Variants in DNAH6 observed in about 807,000 individuals in gnomAD.
The protein encoded by DNAH6 is dynein axonemal heavy chain 6.
DNAH6 carries 340 observed loss-of-function variants against 491.4 expected under a neutral mutation model. The ratio of observed to expected loss-of-function variants is 0.69; its 90% CI spans 0.63 to 0.76. The LOEUF is 0.76. DNAH6 is among the 30% of genes least tolerant of loss of function. DNAH6 has a pLI of 0.00. For synonymous variants in DNAH6, 1,603 were observed against 1,686.1 expected, an observed-to-expected ratio of 0.95 and a Z score of 1.21; for missense variants, 4,443 against 4,972.2, an observed-to-expected ratio of 0.89 and a Z score of 3.20.
At chr2:84,529,810 TAGCTTCACCACA>T (rs1676981061) in intron 4 of DNAH6, among the ~76,000 whole-genome samples, 1 of 152,196 alleles carries the variant, frequency 6.6e-6, no homozygotes, top group African/African-American at 2.4e-5. Flanking sequence ...GATAATAGTT[TAGCTTCACCACA>T]AAATTCATTG....
At position 84,701,929 on chromosome 2, in the gene DNAH6, T is replaced by G. The variant is rs182094238; in HGVS notation, c.8061+590T>G. 3.4e-4 allele frequency among the ~76,000 whole-genome samples: 52 copies of G among 152,344 alleles called. 1 individual carries two copies. Among genetic ancestry groups the G allele is most frequent in the African/African-American group, 1.2e-3 (51 of 41,582 alleles). On this transcript the variant is annotated intron_variant, in intron 49 of 76. Transcript: ENST00000389394. ...CAAAAAGTGTTTCCTGCTGTTGGTC[T>G]GAGGGCCTTCTCCTTTTCAATAATT... is the stretch of plus-strand genomic sequence containing the variant.
At chr2:84,694,097 C>A (rs898753041) in intron 45 of DNAH6, among the ~76,000 whole-genome samples, 152 bp from the exon 46 acceptor site, 1 of 152,262 alleles carries the variant, frequency 6.6e-6, no homozygotes, top group Admixed American at 6.5e-5. Context: ...GTTCACCAAA[C>A]CCTGGCCTCA....
intron 11 of DNAH6, among the ~76,000 whole-genome samples, chr2:84,564,525 T>C (rs1015251107): frequency 6.6e-6 from 1 of 152,222 alleles, no homozygotes; most frequent in Non-Finnish European, 1.5e-5. Context: ...TACTGATTTT[T>C]GTACATTTAT....
chr2:84,634,465 T>C, intron 29 of DNAH6, 39 bp from the exon 30 acceptor site: 6 of 1,462,412 alleles, frequency 4.1e-6, no homozygotes, highest in Non-Finnish European at 4.5e-6. Context: ...GGAGCTGAAC[T>C]ACACAATACA....
chr2:84,603,982 G>A (rs553658460), intron 18 of DNAH6, among the ~76,000 whole-genome samples: 37 of 152,130 alleles, frequency 2.4e-4, no homozygotes, highest in African/African-American at 5.5e-4. Flanking sequence ...ATTCTACCCC[G>A]CACTTAATAT....
At chr2:84,724,558 G>T (rs1192333) in intron 60 of DNAH6, among the ~76,000 whole-genome samples, 1 of 152,020 alleles carries the variant, frequency 6.6e-6, no homozygotes, top group South Asian at 2.1e-4. Context: ...GTTTAAAATG[G>T]CCTTCCTCCC....
Position 84,805,691 on chromosome 2 carries a change from C to T in DNAH6, c.11508C>T (p.Asn3836=). The change falls in exon 71 of 77, where the codon AAC becomes AAT. Residue 3836 remains asparagine, a synonymous_variant. Transcript: ENST00000389394. ...ACAAAGAGACCAGCACTTTAATCAA[C>T]ACCATACTTGAGGTTCAGCCAAGGT... ...FQYKETSTLI[N]TILEVQPRSS... is the part of the protein sequence containing the mutation. The T allele has an allele frequency of 2.6e-6, 4 of 1,551,726 alleles. No homozygotes were observed. The highest frequency in any genetic ancestry group is 3.5e-6 in the Non-Finnish European group (4 of 1,146,896).
the DNAH6 span, among the ~76,000 whole-genome samples, chr2:84,508,899 G>T: frequency 2.0e-5 from 3 of 152,148 alleles, no homozygotes; most frequent in African/African-American, 7.2e-5. Context: ...TCTTAATCCT[G>T]AGTTCTAGTT....
Position 84,657,062 on chromosome 2 carries a change from T to G in DNAH6, c.5758-1230T>G, listed in dbSNP as rs185990051. ...TTTTTTGCATGTGTATATCCAGTTG[T>G]TCCAGCACCATTTTTTGAAAAGACT... On this transcript the variant is annotated intron_variant, in intron 35 of 76. Coordinates refer to ENST00000389394, the MANE Select transcript of DNAH6 (RefSeq NM_001370.2). Among the ~76,000 whole-genome samples, 13 of 152,210 alleles carry G rather than the reference T, an allele frequency of 8.5e-5. No individual in the cohort carries two copies. In the East Asian group the frequency reaches 2.3e-3, roughly 27 times the overall value.
chr2:84,687,892 A>G (rs1694435316), intron 44 of DNAH6, among the ~76,000 whole-genome samples: 1 of 152,206 alleles, frequency 6.6e-6, no homozygotes, highest in Non-Finnish European at 1.5e-5. Context: ...TCTGCCATGC[A>G]TAGTTTTTAA....
chr2:84,766,607 G>C (rs1455866817), intron 64 of DNAH6, among the ~76,000 whole-genome samples: 1 of 152,054 alleles, frequency 6.6e-6, no homozygotes, highest in African/African-American at 2.4e-5. Context: ...TTTCCACTAA[G>C]AACACCTAGA....
chr2:84,502,753 T>C, the DNAH6 span, among the ~76,000 whole-genome samples: 96 of 152,318 alleles, frequency 6.3e-4, no homozygotes, highest in African/African-American at 2.2e-3. Flanking sequence ...TATACTGACC[T>C]TCCTTGTCTC....
Position 84,653,661 on chromosome 2 carries a change from C to T in DNAH6, c.5421C>T (p.Asn1807=), listed in dbSNP as rs796316187. 1.9e-6 allele frequency: 3 copies of T among 1,550,952 alleles called. No individual in the cohort carries two copies. In the African/African-American group the frequency reaches 4.1e-5, roughly 21 times the overall value. Residue 1807 remains asparagine, a synonymous_variant, in exon 34 of 77, where the codon AAC becomes AAT. Coordinates refer to ENST00000389394, the MANE Select transcript of DNAH6 (RefSeq NM_001370.2). The part of the protein sequence containing the change: ...TMGELYGEVN[N]LTLEWKDGLM... ...GTGAATTATATGGAGAGGTTAATAA[C>T]TTAACCTTGGAATGGAAAGATGGTT...
chr2:84,761,959 G>A (rs1217484571), intron 63 of DNAH6, among the ~76,000 whole-genome samples: 3 of 152,176 alleles, frequency 2.0e-5, no homozygotes, highest in African/African-American at 7.2e-5. Flanking sequence ...TATAGGCTGT[G>A]TATTTATCAT....
intron 59 of DNAH6, among the ~76,000 whole-genome samples, chr2:84,721,072 T>G (rs1405500510): frequency 6.6e-6 from 1 of 152,246 alleles, no homozygotes; most frequent in Non-Finnish European, 1.5e-5. Context: ...GCATAATGTC[T>G]ACAAGTAGTT....
At chr2:84,815,314 G>A (rs751432355) in intron 75 of DNAH6, among the ~76,000 whole-genome samples, 1 of 151,866 alleles carries the variant, frequency 6.6e-6, no homozygotes, top group Admixed American at 6.5e-5. Context: ...CAAAGACCTC[G>A]GGCCAGAAAT....
At chr2:84,621,929 T>C (rs1687434617) in intron 26 of DNAH6, among the ~76,000 whole-genome samples, 1 of 152,224 alleles carries the variant, frequency 6.6e-6, no homozygotes, top group Non-Finnish European at 1.5e-5. Context: ...TTCTAGGCTC[T>C]AATTCTATTT....
At chr2:84,589,627 A>T (rs1292780934) in intron 16 of DNAH6, among the ~76,000 whole-genome samples, 1 of 149,444 alleles carries the variant, frequency 6.7e-6, no homozygotes, top group Non-Finnish European at 1.5e-5. Context: ...GGGGAGGATC[A>T]TTTGAGCCCA....
At chr2:84,597,856 TATGCCTGTA>T (rs1684760553) in intron 18 of DNAH6, among the ~76,000 whole-genome samples, 1 of 152,254 alleles carries the variant, frequency 6.6e-6, no homozygotes, top group African/African-American at 2.4e-5. Context: ...TGAGGTGACT[TATGCCTGTA>T]ATCCCAATAC....
Sources: gnomAD v4.1 joint callset for allele counts (sites outside exome capture counted in the v4.1 genomes callset) on GRCh38, gnomAD v4.1.1 for gene constraint, MANE v1.5 for transcripts, NCBI Gene and HGNC (gene_info 2026-07-23, HGNC 2026-07-21) for gene names.